NKAIN2: variants seen among roughly 807,000 people sequenced by gnomAD.
NKAIN2 encodes the protein sodium/potassium-transporting ATPase subunit beta-1-interacting protein 2.
NKAIN2 carries 14 observed loss-of-function variants against 32.6 expected under a neutral mutation model. The observed-to-expected ratio is 0.43, with a 90% CI of 0.28 to 0.67. NKAIN2 has a LOEUF of 0.67. Among genes scored for constraint, NKAIN2 ranks in the 30% least tolerant of loss-of-function variants. The pLI is 0.17. For missense variants in NKAIN2, 198 were observed against 258.3 expected (o/e 0.77, Z 1.60); for synonymous variants, 80 against 87.2 (o/e 0.92, Z 0.46).
At chr6:124,554,740 T>C (rs573672868) in intron 3 of NKAIN2, among the ~76,000 whole-genome samples, 13 of 152,366 alleles carry the variant, frequency 8.5e-5, no homozygotes, top group Admixed American at 4.6e-4. Flanking sequence ...CATTTCAAAA[T>C]TTAAATCAGG....
At chr6:123,889,158 A>G (rs1417305651) in intron 1 of NKAIN2, among the ~76,000 whole-genome samples, 3 of 152,128 alleles carry the variant, frequency 2.0e-5, no homozygotes, top group African/African-American at 4.8e-5. Flanking sequence ...AGAGTCATTT[A>G]TATCTCAGCT....
At chr6:124,582,350 T>G (rs192597673) in intron 3 of NKAIN2, among the ~76,000 whole-genome samples, 2 of 152,266 alleles carry the variant, frequency 1.3e-5, no homozygotes, top group Admixed American at 6.5e-5. Context: ...TCATATAAAC[T>G]GGAATATTTA....
At chr6:124,267,341 G>C (rs183429879) in intron 1 of NKAIN2, among the ~76,000 whole-genome samples, 2 of 152,132 alleles carry the variant, frequency 1.3e-5, no homozygotes, top group African/African-American at 4.8e-5. Flanking sequence ...TGTGTGGGCT[G>C]TTGGTAAGAA....
intron 1 of NKAIN2, among the ~76,000 whole-genome samples, chr6:124,060,576 G>A (rs1322174712): frequency 6.6e-6 from 1 of 152,088 alleles, no homozygotes; most frequent in Admixed American, 6.6e-5. Flanking sequence ...AACAGAACTG[G>A]AACACCGTTC....
intron 4 of NKAIN2, among the ~76,000 whole-genome samples, chr6:124,707,088 G>A (rs1775125405): frequency 2.0e-5 from 3 of 149,850 alleles, no homozygotes; most frequent in South Asian, 4.2e-4. Context: ...AGAATATGCG[G>A]TGTTTGGTTT....
chr6:124,277,437 G>A (rs964185987), intron 1 of NKAIN2, among the ~76,000 whole-genome samples: 16 of 130,830 alleles, frequency 1.2e-4, no homozygotes, highest in African/African-American at 4.9e-4. Context: ...TCGTGTGTGT[G>A]TGTGTGTGTG....
chr6:124,178,244 C>T (rs1221531626), intron 1 of NKAIN2, among the ~76,000 whole-genome samples: 1 of 152,016 alleles, frequency 6.6e-6, no homozygotes, highest in Non-Finnish European at 1.5e-5. Flanking sequence ...TTTATCAGAC[C>T]CCCCAGTTTC....
intron 1 of NKAIN2, among the ~76,000 whole-genome samples, chr6:123,840,071 C>G (rs1774803700): frequency 6.6e-6 from 1 of 151,984 alleles, no homozygotes; most frequent in Non-Finnish European, 1.5e-5. Flanking sequence ...AAATAATAAT[C>G]ACCTTGAAAG....
intron 3 of NKAIN2, among the ~76,000 whole-genome samples, chr6:124,409,507 C>T (rs1774045690): frequency 6.6e-6 from 1 of 152,066 alleles, no homozygotes; most frequent in East Asian, 1.9e-4. Flanking sequence ...TATTGATTTT[C>T]CTATGTTGGA....
At chr6:124,017,382 G>A (rs1480793444) in intron 1 of NKAIN2, among the ~76,000 whole-genome samples, 1 of 152,076 alleles carries the variant, frequency 6.6e-6, no homozygotes, top group Non-Finnish European at 1.5e-5. Context: ...AATCTTATGT[G>A]CTCACATTTC....
At chr6:124,648,671 AC>A (rs1204278573) in intron 3 of NKAIN2, among the ~76,000 whole-genome samples, 2 of 152,350 alleles carry the variant, frequency 1.3e-5, no homozygotes, top group East Asian at 3.9e-4. Flanking sequence ...AAAAGAACAA[AC>A]AAAAAAGGCA....
intron 5 of NKAIN2, among the ~76,000 whole-genome samples, chr6:124,817,491 T>C (rs1781217831): frequency 6.6e-6 from 1 of 152,136 alleles, no homozygotes; most frequent in African/African-American, 2.4e-5. Flanking sequence ...TGGGCTTCCT[T>C]GTGGCATCAT....
Position 123,843,061 on chromosome 6 carries a change from A to G in NKAIN2, c.54+38807A>G, listed in dbSNP as rs149368117. Among the ~76,000 whole-genome samples the G allele has an allele frequency of 2.7e-3, 416 of 152,228 alleles. 1 individual carries two copies. Among genetic ancestry groups the G allele is most frequent in the Non-Finnish European group, 4.9e-3 (333 of 67,998 alleles). On this transcript the variant is annotated intron_variant, in intron 1 of 6. Transcript: ENST00000368417. ...ATGAACCCTGTACCGGCCTGCGACA[A>G]TATCTAGGGTTGTCCATGACCTCTG...
intron 1 of NKAIN2, among the ~76,000 whole-genome samples, chr6:124,168,456 T>C (rs9482512): frequency 2.6e-5 from 4 of 152,274 alleles, no homozygotes; most frequent in African/African-American, 7.2e-5. Context: ...ACATGGAATA[T>C]TGAAATATTA....
chr6:124,793,172 A>T (rs1009429682), intron 5 of NKAIN2, among the ~76,000 whole-genome samples: 3 of 152,080 alleles, frequency 2.0e-5, no homozygotes, highest in African/African-American at 7.2e-5. Context: ...ATAAGGGAAA[A>T]AGAGGAGACT....
intron 3 of NKAIN2, among the ~76,000 whole-genome samples, chr6:124,497,276 T>C (rs747910567): frequency 2.6e-5 from 4 of 152,184 alleles, no homozygotes; most frequent in Non-Finnish European, 4.4e-5. Context: ...GTGCATGCTT[T>C]TTACAAGATG....
intron 1 of NKAIN2, among the ~76,000 whole-genome samples, chr6:123,825,839 CAGT>C (rs1774126171): frequency 6.6e-6 from 1 of 152,046 alleles, no homozygotes; most frequent in Non-Finnish European, 1.5e-5. Flanking sequence ...TGTTTTCAAA[CAGT>C]AGCCCATCTC....
intron 4 of NKAIN2, among the ~76,000 whole-genome samples, chr6:124,785,784 C>A (rs751406444): frequency 4.6e-5 from 7 of 152,154 alleles, no homozygotes; most frequent in Non-Finnish European, 7.4e-5. Flanking sequence ...GCGGACTGGC[C>A]TCAGTACTGC....
At chr6:123,894,906 T>G (rs993856853) in intron 1 of NKAIN2, among the ~76,000 whole-genome samples, 8 of 151,998 alleles carry the variant, frequency 5.3e-5, no homozygotes, top group African/African-American at 1.9e-4. Flanking sequence ...CAGGCTAAAT[T>G]GATTGAAAGA....
Sources: allele counts gnomAD v4.1 joint callset (sites outside exome capture counted in the v4.1 genomes callset), GRCh38; gene constraint gnomAD v4.1.1; transcripts MANE v1.5; gene names NCBI Gene and HGNC (gene_info 2026-07-23, HGNC 2026-07-21).